The following SLC1A4 variants were observed in gnomAD, a reference collection of about 807,000 sequenced individuals.
SLC1A4 encodes the protein solute carrier family 1 member 4.
A neutral mutation model predicts 37.7 loss-of-function variants in SLC1A4; 19 were observed. The ratio of observed to expected loss-of-function variants is 0.50; its 90% confidence interval spans 0.35 to 0.74. The LOEUF (loss-of-function observed/expected upper bound fraction) is 0.74. SLC1A4 is among the 30% of genes least tolerant of loss of function. The probability of loss-of-function intolerance (pLI) is 0.01; values close to 1 mark genes in which losing one functional copy is unlikely to be tolerated. For synonymous variants in SLC1A4, 299 were observed against 309.8 expected (o/e 0.97, Z 0.37); for missense variants, 570 against 712.9 (o/e 0.80, Z 2.28).
At chr2:64,990,241 C>A in intron 1 of SLC1A4, 71 bp downstream of exon 1, 1 of 1,347,130 alleles carries the variant, frequency 7.4e-7, no homozygotes, top group Non-Finnish European at 1.0e-6. Flanking sequence ...GTTCATACAC[C>A]CATATGCTTA....
At chr2:64,995,959 C>T (rs1252856739) in intron 1 of SLC1A4, among the ~76,000 whole-genome samples, 1 of 152,194 alleles carries the variant, frequency 6.6e-6, no homozygotes, top group Non-Finnish European at 1.5e-5. Flanking sequence ...GCACCTCCCA[C>T]AGTGGTTCTG....
In SLC1A4 at chr2:64,989,436, G is replaced by T. The variant is rs1440298834; in HGVS notation, c.-208G>T. 4.9e-6 allele frequency: 2 copies of T among 411,442 alleles called. No individual in the cohort carries two copies. Among genetic ancestry groups the T allele is most frequent in the East Asian group, 7.5e-5 (2 of 26,612 alleles). 25.5% of individuals were successfully genotyped at this position (411,442 alleles called of 1,614,324 possible). A position where few individuals can be genotyped will look rare whatever the true frequency, so the allele number is the denominator to read the frequency against. On this transcript the variant is annotated 5_prime_UTR_variant, in exon 1 of 8. Coordinates refer to ENST00000234256, the MANE Select transcript of SLC1A4 (RefSeq NM_003038.5). Reference sequence around the variant, plus strand: ...CGGCTGCTCCAGGGAGGCTGGGCGCGATCCTCTCCGCCCGCGGCTCCAACC... The same window carrying T: ...CGGCTGCTCCAGGGAGGCTGGGCGCTATCCTCTCCGCCCGCGGCTCCAACC...
At chr2:64,992,576 A>G (rs2268479) in intron 1 of SLC1A4, among the ~76,000 whole-genome samples, 22,706 of 152,172 alleles carry the variant, frequency 0.15, 1,684 homozygotes, top group East Asian at 0.22. Flanking sequence ...TATGACTGAC[A>G]AAACTGAGAC....
intron 1 of SLC1A4, among the ~76,000 whole-genome samples, chr2:64,996,950 T>C (rs551447854): frequency 4.0e-4 from 61 of 152,282 alleles, no homozygotes; most frequent in African/African-American, 1.5e-3. Flanking sequence ...GATCCCGGAT[T>C]AGAAGAGAGC....
At chr2:64,996,495 C>T (rs185000850) in intron 1 of SLC1A4, among the ~76,000 whole-genome samples, 25 of 152,160 alleles carry the variant, frequency 1.6e-4, no homozygotes, top group African/African-American at 4.8e-4. Context: ...TGTGCAGAGG[C>T]GAACACAGGA....
rs754668419 is a variant in SLC1A4, at chr2:65,021,153, TG to T, written c.*10del. ...CAAGGAGTCGGTTCTGTGATGGGGC[TG>T]GGCTTTGGGCTTGCCTGCCAGCAGT... On this transcript the variant is annotated 3_prime_UTR_variant, in exon 8 of 8. Coordinates refer to ENST00000234256, the MANE Select transcript of SLC1A4 (RefSeq NM_003038.5). The T allele has an allele frequency of 6.2e-7, 1 of 1,606,270 alleles. No individual in the cohort carries two copies. The highest frequency in any genetic ancestry group is 8.5e-7 in the Non-Finnish European group (1 of 1,173,192).
chr2:64,999,671 T>C (rs1673392148), intron 1 of SLC1A4: 2 of 151,920 alleles, frequency 1.3e-5, no homozygotes, highest in African/African-American at 4.8e-5. Flanking sequence ...GAGGTCATGT[T>C]GTTGTTGGCA....
intron 1 of SLC1A4, among the ~76,000 whole-genome samples, chr2:64,997,301 C>CT (rs1047184618): frequency 1.3e-5 from 2 of 152,284 alleles, no homozygotes; most frequent in East Asian, 3.9e-4. Context: ...TATTACCATA[C>CT]TTTTTTATAT....
chr2:65,003,879 C>T (rs1186260114), intron 2 of SLC1A4, 74 bp from the exon 3 acceptor site: 2 of 1,065,348 alleles, frequency 1.9e-6, no homozygotes, highest in Non-Finnish European at 2.9e-6. Context: ...AAGAGTGCAG[C>T]AGTGCCCTTG....
intron 7 of SLC1A4, among the ~76,000 whole-genome samples, chr2:65,019,005 G>A (rs1434958328): frequency 2.6e-5 from 4 of 152,234 alleles, no homozygotes; most frequent in Admixed American, 2.6e-4. Context: ...GACTGCATAG[G>A]AGTAATAAGT....
Position 65,018,546 on chromosome 2 carries a change from G to A in SLC1A4, c.1231G>A (p.Val411Met), listed in dbSNP as rs752489013. ...LNAGQIFTIL[V>M]TATASSVGAA... The stretch of plus-strand genomic sequence containing the variant: ...TGGCCCTGCTCTGCCATCCCTTAGA[G>A]TGACTGCCACAGCGTCCAGTGTTGG... Residue 411 changes from valine (V) to methionine (M), a missense_variant and splice_region_variant, in exon 7 of 8, where the codon GTG (valine) becomes ATG (methionine). Val to Met is a conservative substitution (Grantham distance 21). Coordinates refer to ENST00000234256, the MANE Select transcript of SLC1A4 (RefSeq NM_003038.5). The surrounding 1 kb of genome is among the most constrained non-coding windows in gnomAD (Gnocchi z 4.3). 24 of 1,614,192 alleles carry A rather than the reference G, an allele frequency of 1.5e-5. No homozygotes were observed. Among genetic ancestry groups the A allele is most frequent in the Admixed American group, 3.3e-5 (2 of 60,032 alleles).
chr2:65,021,473 T>C lies in SLC1A4; in HGVS notation c.*327T>C, dbSNP rs1674420627. ...TCACAGGGTCCTGTGTGGTTACATC[T>C]TGGAAAAAATGCAGATGTATTTCAC... is the stretch of plus-strand genomic sequence containing the variant. On this transcript the variant is annotated 3_prime_UTR_variant, in exon 8 of 8. Coordinates refer to ENST00000234256, the MANE Select transcript of SLC1A4 (RefSeq NM_003038.5). 6.5e-6 allele frequency: 2 copies of C among 308,850 alleles called. No individual in the cohort carries two copies. Among genetic ancestry groups the C allele is most frequent in the Non-Finnish European group, 1.2e-5 (2 of 165,976 alleles). The allele number at this position is 308,850 out of a possible 1,614,324, so 19.1% of individuals were successfully genotyped here. A position where few individuals can be genotyped will look rare whatever the true frequency, so the allele number is the denominator to read the frequency against.
Position 65,018,573 on chromosome 2 carries a change from G to A in SLC1A4, c.1258G>A (p.Ala420Thr). 2 of 1,614,210 alleles carry A rather than the reference G, an allele frequency of 1.2e-6. No homozygotes were observed. The highest frequency in any genetic ancestry group is 1.1e-5 in the South Asian group (1 of 91,084). Residue 420 changes from alanine (A) to threonine (T), a missense_variant, in exon 7 of 8, where the codon GCA (alanine) becomes ACA (threonine). By Grantham distance (58) the Ala-to-Thr change is moderately conservative. Transcript: ENST00000234256. This position sits in a 1 kb window ranked among gnomAD's most constrained non-coding sequence, Gnocchi z 4.3. Reference protein sequence around the residue: ...LVTATASSVGAAGVPAGGVLT... With the variant: ...LVTATASSVGTAGVPAGGVLT... ...GACTGCCACAGCGTCCAGTGTTGGA[G>A]CAGCAGGCGTGCCAGCTGGAGGGGT...
At position 64,990,104 on chromosome 2, in the gene SLC1A4, G is replaced by T; in HGVS notation, c.461G>T (p.Gly154Val). The change falls in exon 1 of 8, where the codon GGG becomes GTG. Residue 154 changes from glycine (G) to valine (V), a missense_variant. By Grantham distance (109) the Gly-to-Val change is moderately radical (BLOSUM62 -3). Coordinates refer to ENST00000234256, the MANE Select transcript of SLC1A4 (RefSeq NM_003038.5). ...CAGACCCTTCAGTCCAGCGACCTGG[G>T]GCTGGAGGACTCGGGGCCTCCTCCT... ...GAQTLQSSDL[G>V]LEDSGPPPVP... 1.2e-6 allele frequency: 2 copies of T among 1,610,846 alleles called. No homozygotes were observed. Among genetic ancestry groups the T allele is most frequent in the Non-Finnish European group, 1.7e-6 (2 of 1,178,818 alleles).
Position 65,021,063 on chromosome 2 carries a change from A to G in SLC1A4, c.1516A>G (p.Thr506Ala), listed in dbSNP as rs754497757. Residue 506 changes from threonine (T) to alanine (A), a missense_variant, in exon 8 of 8, where the codon ACA becomes GCA. Coordinates refer to ENST00000234256, the MANE Select transcript of SLC1A4 (RefSeq NM_003038.5). ...CCCCAACTGCAAGTCTGAGGAGGAGACATCGCCCCTGGTGACACACCAGAA... is the reference window on the plus strand; with the variant it reads ...CCCCAACTGCAAGTCTGAGGAGGAGGCATCGCCCCTGGTGACACACCAGAA... Reference protein sequence around the residue: ...AIPNCKSEEETSPLVTHQNPA... With the variant: ...AIPNCKSEEEASPLVTHQNPA... 6.2e-7 allele frequency: 1 copy of G among 1,614,234 alleles called. No individual in the cohort carries two copies. The highest frequency in any genetic ancestry group is 8.5e-7 in the Non-Finnish European group (1 of 1,180,046).
At chr2:65,002,570 CTTTTTTTTTTT>C (rs70937394) in intron 2 of SLC1A4, among the ~76,000 whole-genome samples, 6 of 59,048 alleles carry the variant, frequency 1.0e-4, no homozygotes, top group East Asian at 7.6e-4. Context: ...TGTGACCATT[CTTTTTTTTTTT>C]TTTTTTTTTT....
intron 3 of SLC1A4, among the ~76,000 whole-genome samples, chr2:65,007,625 A>G (rs561241022): frequency 4.6e-5 from 7 of 152,328 alleles, no homozygotes; most frequent in African/African-American, 1.7e-4. Flanking sequence ...GCCTGACCTC[A>G]AACACCACAC....
intron 1 of SLC1A4, among the ~76,000 whole-genome samples, chr2:64,991,158 C>T (rs1263278471): frequency 6.6e-6 from 1 of 152,202 alleles, no homozygotes; most frequent in Admixed American, 6.5e-5. Flanking sequence ...GGCAAAGCTC[C>T]TCATTGCTGA....
At chr2:64,995,266 T>C (rs969556250) in intron 1 of SLC1A4, among the ~76,000 whole-genome samples, 10 of 152,176 alleles carry the variant, frequency 6.6e-5, no homozygotes, top group African/African-American at 2.4e-4. Flanking sequence ...CACAAGTCGT[T>C]TGTCCTCTCT....
Sources: gnomAD v4.1 joint callset for allele counts (sites outside exome capture counted in the v4.1 genomes callset) on GRCh38, gnomAD v4.1.1 for gene constraint, Gnocchi (gnomAD v3.1) non-coding constraint, MANE v1.5 for transcripts, NCBI Gene and HGNC (gene_info 2026-07-23, HGNC 2026-07-21) for gene names.